Variants in RSF1 observed in about 807,000 individuals in gnomAD.
RSF1 encodes the protein HBV pX-associated protein 8.
A neutral mutation model predicts 145.2 loss-of-function variants in RSF1; 13 were observed. That is an observed-to-expected ratio of 0.09 (90% CI 0.06 to 0.14). The LOEUF (loss-of-function observed/expected upper bound fraction) is 0.14. RSF1 is among the 10% of genes least tolerant of loss of function. The pLI is 1.00. For synonymous variants in RSF1, 577 were observed against 592.6 expected (o/e 0.97, Z 0.38); for missense variants, 1,517 against 1,718.2 (o/e 0.88, Z 2.07).
chr11:77,747,502 G>A (rs1948014458), intron 2 of RSF1, among the ~76,000 whole-genome samples: 1 of 152,146 alleles, frequency 6.6e-6, no homozygotes, highest in South Asian at 2.1e-4. Context: ...GACAGAATTA[G>A]TTCAAAAAAC....
rs1948449916 is a variant in RSF1, at chr11:77,785,877, G to A, written c.188-21188C>T. ...GGAGGCAGAGCTTGCAGCGAGCCGAGATCGCGCCACTGCACTCCAACCTGG... is the reference window on the plus strand; with the variant it reads ...GGAGGCAGAGCTTGCAGCGAGCCGAAATCGCGCCACTGCACTCCAACCTGG... On this transcript the variant is annotated intron_variant, in intron 1 of 15. Transcript: ENST00000308488. Among the ~76,000 whole-genome samples, 3 of 121,570 alleles carry A rather than the reference G, an allele frequency of 2.5e-5. No individual in the cohort carries two copies. The South Asian group carries it at 8.5e-4, about 34-fold the overall frequency. The allele number at this position is 121,570 out of a possible 152,430, so 79.8% of individuals were successfully genotyped here.
chr11:77,712,250 A>G (rs1960704575), intron 5 of RSF1, among the ~76,000 whole-genome samples: 2 of 152,064 alleles, frequency 1.3e-5, no homozygotes, highest in African/African-American at 2.4e-5. Flanking sequence ...AGGAGATGTG[A>G]TGGTTTTATA....
chr11:77,660,048 G>A lies in RSF1; in HGVS notation c.*6869C>T, dbSNP rs1959217754. ...TTTATTATGACAATTGACATATTAA[G>A]TGAAAGAAATGACAGAAGTATTATA... On this transcript the variant is annotated 3_prime_UTR_variant, in exon 16 of 16. Coordinates refer to ENST00000308488, the MANE Select transcript of RSF1 (RefSeq NM_016578.4). 1 of 152,140 alleles carries A rather than the reference G, an allele frequency of 6.6e-6. No homozygotes were observed. The highest frequency in any genetic ancestry group is 2.4e-5 in the African/African-American group (1 of 41,424). 9.4% of individuals were successfully genotyped at this position (152,140 alleles called of 1,614,324 possible).
Position 77,754,517 on chromosome 11 carries a change from G to A in RSF1, c.280-7389C>T, listed in dbSNP as rs7105262. On this transcript the variant is annotated intron_variant, in intron 2 of 15. Transcript: ENST00000308488. ...AGCACACTGAGAGACCAAGGCAGGA[G>A]GATTGCTTGAGCCCAGGAGTTTGAG... 1.9e-3 allele frequency among the ~76,000 whole-genome samples: 287 copies of A among 152,190 alleles called. 4 individuals carry two copies. The highest frequency in any genetic ancestry group is 6.7e-3 in the African/African-American group (279 of 41,530).
rs1947930675 is a variant in RSF1, at chr11:77,741,055, T to G, written c.373-119A>C. 7.0e-6 allele frequency: 5 copies of G among 718,892 alleles called. No individual in the cohort carries two copies. The East Asian group carries it at 1.4e-4, about 19-fold the overall frequency. The allele number at this position is 718,892 out of a possible 1,614,324, so 44.5% of individuals were successfully genotyped here. On this transcript the variant is annotated intron_variant, in intron 3 of 15. Coordinates refer to ENST00000308488, the MANE Select transcript of RSF1 (RefSeq NM_016578.4). ...CAGTGGACAGAACACAAATACTGTATTCCTTCTTTCACTATCCTCTTCCCA... is the reference window on the plus strand; with the variant it reads ...CAGTGGACAGAACACAAATACTGTAGTCCTTCTTTCACTATCCTCTTCCCA...
At chr11:77,743,240 GA>G (rs1226864710) in intron 3 of RSF1, among the ~76,000 whole-genome samples, 3 of 152,148 alleles carry the variant, frequency 2.0e-5, no homozygotes, top group Admixed American at 2.0e-4. Context: ...GGTTCCATAT[GA>G]ATTTTAGGGT....
At chr11:77,671,864 C>T (rs531569852) in intron 15 of RSF1, among the ~76,000 whole-genome samples, 178 bp downstream of exon 15, 1 of 152,098 alleles carries the variant, frequency 6.6e-6, no homozygotes, top group Non-Finnish European at 1.5e-5. Flanking sequence ...GAACTCCTGG[C>T]CTCAAGTGAT....
chr11:77,788,054 A>C (rs79742991), intron 1 of RSF1, among the ~76,000 whole-genome samples: 1 of 147,866 alleles, frequency 6.8e-6, no homozygotes, highest in Admixed American at 6.9e-5. Context: ...AGGTAGGAGA[A>C]TCACTTGAGT....
intron 2 of RSF1, among the ~76,000 whole-genome samples, chr11:77,761,252 T>G (rs979383698): frequency 3.3e-5 from 5 of 152,188 alleles, no homozygotes; most frequent in African/African-American, 9.7e-5. Flanking sequence ...TTAGGTTATT[T>G]TCTACTTAAT....
intron 4 of RSF1, chr11:77,734,617 T>C (rs1180776982): frequency 4.0e-6 from 6 of 1,518,936 alleles, no homozygotes; most frequent in African/African-American, 2.7e-5. Context: ...ATTCAGGTAA[T>C]GTGTCTCAAT....
At chr11:77,687,182 C>A (rs537020603) in intron 9 of RSF1, among the ~76,000 whole-genome samples, 39 of 152,236 alleles carry the variant, frequency 2.6e-4, no homozygotes, top group African/African-American at 8.2e-4. Flanking sequence ...TACATGCACA[C>A]ACACACATAC....
the RSF1 span, chr11:77,869,682 TGA>T: frequency 6.4e-7 from 1 of 1,569,688 alleles, no homozygotes; most frequent in Non-Finnish European, 8.8e-7. Flanking sequence ...AATGAAAGAT[TGA>T]GAGCAGGTAC....
At chr11:77,803,897 T>G (rs147413646) in intron 1 of RSF1, among the ~76,000 whole-genome samples, 1 of 152,106 alleles carries the variant, frequency 6.6e-6, no homozygotes, top group Non-Finnish European at 1.5e-5. Flanking sequence ...CTGAGCAACA[T>G]AGTGAGACCC....
rs1434631404 is a variant in RSF1 at position 77,719,075 on chromosome 11, T to C, written c.733+6470A>G. On this transcript the variant is annotated intron_variant, in intron 5 of 15. Coordinates refer to ENST00000308488, the MANE Select transcript of RSF1 (RefSeq NM_016578.4). The stretch of plus-strand genomic sequence containing the variant: ...CAGATGGGGCAACATAGTGAGACCC[T>C]GTCTCTACAAAAAATTAAAAAAGTA... Among the ~76,000 whole-genome samples, 7 of 152,156 alleles carry C rather than the reference T, an allele frequency of 4.6e-5. No homozygotes were observed. In the East Asian group the frequency reaches 1.4e-3, roughly 29 times the overall value.
rs751851713 is a variant in RSF1, at chr11:77,764,585, A to C, written c.279+13T>G. 2.1e-6 allele frequency: 3 copies of C among 1,459,364 alleles called. No homozygotes were observed. The highest frequency in any genetic ancestry group is 2.9e-6 in the Non-Finnish European group (3 of 1,043,606). 90.4% of individuals were successfully genotyped at this position (1,459,364 alleles called of 1,614,324 possible). ...TTCAGTAATAGAGCAGGAAATTTAC[A>C]AATACTAGTTACCTTGATCAAATAT... is the stretch of plus-strand genomic sequence containing the variant. On this transcript the variant is annotated intron_variant, in intron 2 of 15. Transcript: ENST00000308488.
chr11:77,834,199 T>C, the RSF1 span, among the ~76,000 whole-genome samples: 1 of 152,270 alleles, frequency 6.6e-6, no homozygotes, highest in South Asian at 2.1e-4. Flanking sequence ...AAATTACATA[T>C]CAACAAATAC....
At chr11:77,671,062 C>T (rs1400575808) in intron 15 of RSF1, among the ~76,000 whole-genome samples, 2 of 125,960 alleles carry the variant, frequency 1.6e-5, no homozygotes, top group African/African-American at 3.0e-5. Context: ...GCCAAGATCA[C>T]ACCACTGCAC....
intron 13 of RSF1, 67 bp from the exon 14 acceptor site, chr11:77,675,323 G>A (rs1959673284): frequency 7.7e-7 from 1 of 1,303,198 alleles, no homozygotes; most frequent in South Asian, 1.4e-5. Flanking sequence ...TAAGAGTTCT[G>A]AGTTCAAATT....
Position 77,701,797 on chromosome 11 carries a change from T to C in RSF1, c.1432A>G (p.Arg478Gly). Residue 478 changes from arginine (R) to glycine (G), a missense_variant, in exon 6 of 16, where the codon AGA (arginine) becomes GGA (glycine). By Grantham distance (125) the Arg-to-Gly change is moderately radical. Around this residue, in one of 12 missense-constraint regions of RSF1, gnomAD observed 579 missense variants for 553.5 expected, o/e 1.05. Transcript: ENST00000308488. Reference protein sequence around the residue: ...KEESYSPSKDRNIITEGNGTE... With the variant: ...KEESYSPSKDGNIITEGNGTE... ...CCATTTCCCTCCGTGATGATATTTC[T>C]GTCCTTAGAGGGGCTATAGCTCTCT... 6.2e-7 allele frequency: 1 copy of C among 1,614,092 alleles called. No individual in the cohort carries two copies. The highest frequency in any genetic ancestry group is 8.5e-7 in the Non-Finnish European group (1 of 1,179,990).
Sources: allele counts gnomAD v4.1 joint callset (sites outside exome capture counted in the v4.1 genomes callset), GRCh38; gene constraint gnomAD v4.1.1; regional missense constraint gnomAD v4.1.1; transcripts MANE v1.5; gene names NCBI Gene and HGNC (gene_info 2026-07-23, HGNC 2026-07-21).